The following CADM2 variants were observed in gnomAD, a reference collection of about 807,000 sequenced individuals.
CADM2 encodes immunoglobulin superfamily member 4D.
Under a neutral mutation model 49.8 loss-of-function variants are expected in CADM2, and 12 were observed. That is an observed-to-expected ratio of 0.24 (90% confidence interval 0.15 to 0.39). The LOEUF (loss-of-function observed/expected upper bound fraction) is 0.39, where lower values mean the gene tolerates loss of function less well. Among genes scored for constraint, CADM2 ranks in the 10% least tolerant of loss-of-function variants. The probability of loss-of-function intolerance (pLI) is 1.00; values close to 1 mark genes in which losing one functional copy is unlikely to be tolerated. For synonymous variants in CADM2, 214 were observed against 175.4 expected (o/e 1.22, Z -1.74); for missense variants, 378 against 492.3 (o/e 0.77, Z 2.20).
At chr3:85,062,924 T>G (rs1156637455) in intron 1 of CADM2, among the ~76,000 whole-genome samples, 1 of 150,222 alleles carries the variant, frequency 6.7e-6, no homozygotes, top group Non-Finnish European at 1.5e-5. Flanking sequence ...AATTATGAAT[T>G]TTAGACTATT....
intron 3 of CADM2, among the ~76,000 whole-genome samples, chr3:85,809,702 TCC>T (rs2072699810): frequency 1.5e-5 from 2 of 129,412 alleles, no homozygotes; most frequent in Non-Finnish European, 3.3e-5. Context: ...CTTCCTTCCT[TCC>T]TTCCTTCCTT....
intron 1 of CADM2, among the ~76,000 whole-genome samples, chr3:85,430,594 G>A (rs1200927903): frequency 4.0e-5 from 5 of 123,642 alleles, no homozygotes; most frequent in South Asian, 2.9e-4. Flanking sequence ...CAAGAATTGC[G>A]AATAAGGAGA....
chr3:85,136,586 T>G (rs1232667517), intron 1 of CADM2, among the ~76,000 whole-genome samples: 2 of 152,018 alleles, frequency 1.3e-5, no homozygotes, highest in East Asian at 1.9e-4. Context: ...ACATACATTA[T>G]GATTTTGCCT....
intron 2 of CADM2, among the ~76,000 whole-genome samples, chr3:85,736,215 A>G (rs976305251): frequency 6.6e-6 from 1 of 152,250 alleles, no homozygotes; most frequent in African/African-American, 2.4e-5. Context: ...AATGCTCTTC[A>G]TAAGTCAAGA....
intron 1 of CADM2, among the ~76,000 whole-genome samples, chr3:84,968,569 T>A (rs558469802): frequency 6.6e-6 from 1 of 152,190 alleles, no homozygotes; most frequent in South Asian, 2.1e-4. Flanking sequence ...CACTTACTAG[T>A]TATCCTGCCA....
chr3:85,200,345 G>C lies in CADM2; in HGVS notation c.61+240677G>C, dbSNP rs148640652. ...CTGGTAAACCGTTTCCACTCATTCG[G>C]TGAGATCTTGAACAGCTAATATTTT... On this transcript the variant is annotated intron_variant, in intron 1 of 9. Coordinates refer to ENST00000383699, the MANE Select transcript of CADM2 (RefSeq NM_001167675.2). Among the ~76,000 whole-genome samples the C allele has an allele frequency of 4.8e-3, 725 of 152,100 alleles. 6 individuals carry two copies. The highest frequency in any genetic ancestry group is 0.017 in the African/African-American group (702 of 41,526).
chr3:85,082,126 A>G (rs2037188219), intron 1 of CADM2, among the ~76,000 whole-genome samples: 1 of 152,186 alleles, frequency 6.6e-6, no homozygotes, highest in Non-Finnish European at 1.5e-5. Context: ...ACAAATTCAG[A>G]TCACAAGCGT....
Position 85,197,331 on chromosome 3 carries a change from A to G in CADM2, c.61+237663A>G, listed in dbSNP as rs72909202. Among the ~76,000 whole-genome samples, 980 of 152,042 alleles carry G rather than the reference A, an allele frequency of 6.4e-3. 13 individuals carry two copies. The highest frequency in any genetic ancestry group is 0.022 in the African/African-American group (916 of 41,546). ...GGAGGCTTAACAGGGTAACCTCACTACATAGTTTCCAAAGTGAAAGAAAAT... is the reference window on the plus strand; with the variant it reads ...GGAGGCTTAACAGGGTAACCTCACTGCATAGTTTCCAAAGTGAAAGAAAAT... On this transcript the variant is annotated intron_variant, in intron 1 of 9. Transcript: ENST00000383699.
At chr3:85,360,412 G>A (rs2032273757) in intron 1 of CADM2, among the ~76,000 whole-genome samples, 1 of 152,098 alleles carries the variant, frequency 6.6e-6, no homozygotes, top group Admixed American at 6.6e-5. Flanking sequence ...CATAAAAGCT[G>A]ACTTACACAA....
At chr3:85,735,208 A>G (rs2068087279) in intron 2 of CADM2, among the ~76,000 whole-genome samples, 2 of 152,278 alleles carry the variant, frequency 1.3e-5, no homozygotes, top group Non-Finnish European at 2.9e-5. Flanking sequence ...ACTTGGGCAG[A>G]GTAGAAAAGA....
intron 1 of CADM2, among the ~76,000 whole-genome samples, chr3:85,255,350 G>A (rs564114504): frequency 6.6e-6 from 1 of 151,974 alleles, no homozygotes; most frequent in Admixed American, 6.6e-5. Flanking sequence ...GGCTTCATTT[G>A]TTTAAGTGAC....
chr3:85,798,026 T>G (rs997626346), intron 2 of CADM2, among the ~76,000 whole-genome samples: 3 of 152,260 alleles, frequency 2.0e-5, no homozygotes, highest in African/African-American at 7.2e-5. Flanking sequence ...ATGAACTTTT[T>G]TTTTCATATG....
chr3:85,791,836 G>T (rs1244156569), intron 2 of CADM2, among the ~76,000 whole-genome samples: 1 of 152,022 alleles, frequency 6.6e-6, no homozygotes, highest in East Asian at 1.9e-4. Context: ...CCATTCTCCT[G>T]CCTCAGCCTC....
At chr3:85,769,433 A>G (rs191221731) in intron 2 of CADM2, among the ~76,000 whole-genome samples, 102 of 91,818 alleles carry the variant, frequency 1.1e-3, no homozygotes, top group African/African-American at 4.7e-3. Flanking sequence ...ATACATATAT[A>G]GTATATATAC....
chr3:85,998,550 T>C (rs1390897413), intron 8 of CADM2, among the ~76,000 whole-genome samples: 1 of 152,154 alleles, frequency 6.6e-6, no homozygotes, highest in Non-Finnish European at 1.5e-5. Context: ...AATAAATATA[T>C]ATTTATCTAT....
chr3:85,621,777 A>G (rs2063985392), intron 1 of CADM2, among the ~76,000 whole-genome samples: 1 of 152,126 alleles, frequency 6.6e-6, no homozygotes, highest in African/African-American at 2.4e-5. Context: ...CTCTTTTGAC[A>G]CATCAAGCAG....
intron 1 of CADM2, among the ~76,000 whole-genome samples, chr3:85,451,867 T>A (rs975114877): frequency 2.6e-4 from 40 of 152,278 alleles, no homozygotes; most frequent in Admixed American, 3.9e-4. Flanking sequence ...CAGGGATTCA[T>A]CCTGTGAAAT....
rs2062889076 is a variant in CADM2 at position 85,584,698 on chromosome 3, G to T, written c.62-141824G>T. On this transcript the variant is annotated intron_variant, in intron 1 of 9. Transcript: ENST00000383699. ...TGATATTGGAACGTGCATTGTCTTT[G>T]TAAGGGAAGCACAATATTTTTAATT... Among the ~76,000 whole-genome samples, 3 of 152,212 alleles carry T rather than the reference G, an allele frequency of 2.0e-5. 1 individual carries two copies. Among genetic ancestry groups the T allele is most frequent in the African/African-American group, 4.8e-5 (2 of 41,558 alleles).
chr3:85,773,235 A>G (rs2070191453), intron 2 of CADM2, among the ~76,000 whole-genome samples: 4 of 152,024 alleles, frequency 2.6e-5, no homozygotes, highest in Admixed American at 2.6e-4. Flanking sequence ...GTGGTGTGAA[A>G]CTTTTTAATG....
Sources: allele counts gnomAD v4.1 joint callset (sites outside exome capture counted in the v4.1 genomes callset), GRCh38; gene constraint gnomAD v4.1.1; transcripts MANE v1.5; gene names NCBI Gene and HGNC (gene_info 2026-07-23, HGNC 2026-07-21).